Variants in COX10 observed in about 807,000 individuals in gnomAD.
COX10 encodes cytochrome c oxidase assembly factor heme A:farnesyltransferase COX10.
COX10 carries 27 observed loss-of-function variants against 37.3 expected under a neutral mutation model. That is an observed-to-expected ratio of 0.72 (90% confidence interval 0.53 to 1.00). The LOEUF (loss-of-function observed/expected upper bound fraction) is 1.00. Among genes scored for constraint, COX10 ranks in the 50% least tolerant of loss-of-function variants. The probability of loss-of-function intolerance (pLI) is 0.00; values close to 1 mark genes in which losing one functional copy is unlikely to be tolerated. For synonymous variants in COX10, 222 were observed against 229.1 expected, an observed-to-expected ratio of 0.97 and a Z score of 0.28; for missense variants, 475 against 563.2, an observed-to-expected ratio of 0.84 and a Z score of 1.59.
Position 14,194,571 on chromosome 17 carries a change from C to T in COX10, c.928+2350C>T, listed in dbSNP as rs12947704. On this transcript the variant is annotated intron_variant, in intron 6 of 6. Transcript: ENST00000261643. ...CCTCCTGCATAGCTGGGACTACAGG[C>T]GCCCGCCACCACGCCCAGCTAATTT... 9.8e-3 allele frequency among the ~76,000 whole-genome samples: 1,491 copies of T among 152,196 alleles called. 9 individuals are homozygous for T. Among genetic ancestry groups the T allele is most frequent in the Non-Finnish European group, 0.015 (1,043 of 68,004 alleles).
At chr17:14,137,008 G>A (rs978785609) in intron 4 of COX10, among the ~76,000 whole-genome samples, 4 of 151,782 alleles carry the variant, frequency 2.6e-5, no homozygotes, top group Non-Finnish European at 5.9e-5. Flanking sequence ...GTCTGTGTGA[G>A]GTGGTGAGGA....
At chr17:14,108,311 A>AG (rs1915941451) in intron 4 of COX10, among the ~76,000 whole-genome samples, 1 of 152,220 alleles carries the variant, frequency 6.6e-6, no homozygotes, top group Non-Finnish European at 1.5e-5. Flanking sequence ...GTTTGAGTCT[A>AG]GGTTCATCAG....
chr17:14,120,469 G>A (rs1179640444), intron 4 of COX10, among the ~76,000 whole-genome samples: 4 of 152,132 alleles, frequency 2.6e-5, no homozygotes, highest in African/African-American at 9.7e-5. Context: ...AGAAACGGAG[G>A]GCATATTTCA....
chr17:14,202,203 T>G (rs2856178), intron 6 of COX10, among the ~76,000 whole-genome samples: 147,341 of 150,340 alleles, frequency 0.98, 72,224 homozygotes, highest in East Asian at 1. Flanking sequence ...TCACAAACTT[T>G]AGTCTGTGTG....
intron 5 of COX10, among the ~76,000 whole-genome samples, chr17:14,164,845 C>A (rs1567605594): frequency 6.6e-6 from 1 of 152,146 alleles, no homozygotes; most frequent in Non-Finnish European, 1.5e-5. Context: ...GGAGAGGTGT[C>A]ATTGTTATGT....
intron 4 of COX10, among the ~76,000 whole-genome samples, chr17:14,149,556 T>A (rs1337917797): frequency 6.6e-6 from 1 of 152,150 alleles, no homozygotes; most frequent in Non-Finnish European, 1.5e-5. Flanking sequence ...TTGGCCATGA[T>A]GATTCATGGC....
At chr17:14,069,788 C>CTCTGGAGTAGCTTGGAGTGAAGAGGTCA in intron 1 of COX10, 140 bp downstream of exon 1, 1 of 998,314 alleles carries the variant, frequency 1.0e-6, no homozygotes, top group South Asian at 1.4e-5. Context: ...GGGAAATGAC[C>CTCTGGAGTAGCTTGGAGTGAAGAGGTCA]TCTGGAGTAG....
rs16948986 is a variant in COX10, at chr17:14,076,847, A to T, written c.290A>T (p.Tyr97Phe). 1.2e-6 allele frequency: 2 copies of T among 1,614,080 alleles called. No individual in the cohort carries two copies. The highest frequency in any genetic ancestry group is 1.7e-6 in the Non-Finnish European group (2 of 1,180,052). The change falls in exon 3 of 7, where the codon TAT becomes TTT. Residue 97 changes from tyrosine to phenylalanine, a missense_variant. Transcript: ENST00000261643. ...TSSGQAKAEIYEMRPLSPPSL... is the reference protein window; with the variant it reads ...TSSGQAKAEIFEMRPLSPPSL... ...TCAGGTCAAGCCAAAGCAGAAATATATGAGATGAGACCTCTCTCACCGCCC... is the reference window on the plus strand; with the variant it reads ...TCAGGTCAAGCCAAAGCAGAAATATTTGAGATGAGACCTCTCTCACCGCCC...
chr17:14,168,617 G>A (rs984566441), intron 5 of COX10, among the ~76,000 whole-genome samples: 2 of 152,216 alleles, frequency 1.3e-5, no homozygotes, highest in African/African-American at 4.8e-5. Flanking sequence ...TGTCTTCTGT[G>A]CAGCTGCAGG....
At chr17:14,162,869 T>G (rs1905197714) in intron 5 of COX10, among the ~76,000 whole-genome samples, 1 of 152,172 alleles carries the variant, frequency 6.6e-6, no homozygotes, top group African/African-American at 2.4e-5. Flanking sequence ...TAAAGTTTAT[T>G]TTTTCCATTC....
intron 5 of COX10, among the ~76,000 whole-genome samples, chr17:14,167,965 A>C (rs930541811): frequency 2.0e-5 from 3 of 152,196 alleles, no homozygotes; most frequent in East Asian, 1.9e-4. Flanking sequence ...TCAAAGTCTT[A>C]ACTCATTCCA....
At chr17:14,094,664 A>C (rs1377002492) in intron 3 of COX10, among the ~76,000 whole-genome samples, 1 of 152,248 alleles carries the variant, frequency 6.6e-6, no homozygotes, top group Non-Finnish European at 1.5e-5. Flanking sequence ...AGAAGCATAC[A>C]GAGTGTGGTG....
Position 14,080,190 on chromosome 17 carries a change from C to G in COX10, c.499+3134C>G, listed in dbSNP as rs542282586. Among the ~76,000 whole-genome samples, 10 of 151,448 alleles carry G rather than the reference C, an allele frequency of 6.6e-5. No homozygotes were observed. The South Asian group carries it at 2.1e-3, about 32-fold the overall frequency. On this transcript the variant is annotated intron_variant, in intron 3 of 6. Transcript: ENST00000261643. ...AAAAAGATAGTATAATTTACCCTTC[C>G]CCTCAACAGCATTTGGGAATTAGAC... is the stretch of plus-strand genomic sequence containing the variant.
intron 5 of COX10, among the ~76,000 whole-genome samples, chr17:14,167,375 C>T (rs756120284): frequency 6.6e-6 from 1 of 152,184 alleles, no homozygotes; most frequent in Non-Finnish European, 1.5e-5. Context: ...TTTATATTAA[C>T]TTGGTAGATA....
chr17:14,201,040 G>T, intron 6 of COX10, among the ~76,000 whole-genome samples: 1 of 152,166 alleles, frequency 6.6e-6, no homozygotes, highest in East Asian at 1.9e-4. Flanking sequence ...AAAACAGACT[G>T]TGCCTATCTC....
chr17:14,091,935 G>C (rs993385486), intron 3 of COX10, among the ~76,000 whole-genome samples: 2 of 152,032 alleles, frequency 1.3e-5, no homozygotes, highest in Admixed American at 6.6e-5. Flanking sequence ...ACATGTTTCT[G>C]CTTCTTAAAA....
intron 6 of COX10, among the ~76,000 whole-genome samples, chr17:14,199,559 A>T (rs765552486): frequency 5.9e-5 from 9 of 152,190 alleles, no homozygotes; most frequent in Non-Finnish European, 1.2e-4. Context: ...GCGGCAGCAC[A>T]CAATGAGGTG....
At chr17:14,132,989 G>A (rs772750959) in intron 4 of COX10, among the ~76,000 whole-genome samples, 3 of 151,500 alleles carry the variant, frequency 2.0e-5, no homozygotes, top group Non-Finnish European at 4.4e-5. Context: ...AATCAATTTG[G>A]AAATTTTGTT....
Position 14,102,198 on chromosome 17 carries a change from G to T in COX10, c.580G>T (p.Val194Phe), listed in dbSNP as rs1231775685. 2 of 1,613,724 alleles carry T rather than the reference G, an allele frequency of 1.2e-6. No homozygotes were observed. Among genetic ancestry groups the T allele is most frequent in the Non-Finnish European group, 8.5e-7 (1 of 1,179,746 alleles). The stretch of plus-strand genomic sequence containing the variant: ...CTGGCCCTGTTTCCTGCTTACTTCT[G>T]TTGGGACAGGCCTTGCATCCTGTGC... ...FDWPCFLLTS[V>F]GTGLASCAAN... The change falls in exon 4 of 7, where the codon GTT becomes TTT. Residue 194 changes from valine (V) to phenylalanine (F), a missense_variant. Val to Phe is a conservative substitution (Grantham distance 50). Coordinates refer to ENST00000261643, the MANE Select transcript of COX10 (RefSeq NM_001303.4).
Sources: gnomAD v4.1 joint callset for allele counts (sites outside exome capture counted in the v4.1 genomes callset) on GRCh38, gnomAD v4.1.1 for gene constraint, MANE v1.5 for transcripts, NCBI Gene and HGNC (gene_info 2026-07-23, HGNC 2026-07-21) for gene names.